The following BAG4 variants were observed in gnomAD, a reference collection of about 807,000 sequenced individuals.
BAG4 encodes the protein BAG family molecular chaperone regulator 4.
In BAG4, 28 loss-of-function variants were observed where a neutral mutation model predicts 52.1. That is an observed-to-expected ratio of 0.54 (90% CI 0.40 to 0.74). The LOEUF is 0.74. Among genes scored for constraint, BAG4 ranks in the 30% least tolerant of loss-of-function variants. The pLI is 0.00. For missense variants in BAG4, 525 were observed against 572.0 expected, an observed-to-expected ratio of 0.92 and a Z score of 0.84; for synonymous variants, 208 against 217.0, an observed-to-expected ratio of 0.96 and a Z score of 0.37.
At chr8:38,201,792 C>G (rs1287096378) in intron 2 of BAG4, 15 of 123,328 alleles carry the variant, frequency 1.2e-4, no homozygotes, top group African/African-American at 4.8e-4. Context: ...CTATAATAAG[C>G]CAAGAATATG....
intron 1 of BAG4, among the ~76,000 whole-genome samples, chr8:38,183,078 T>C (rs1223220209): frequency 6.7e-6 from 1 of 148,420 alleles, no homozygotes; most frequent in Non-Finnish European, 1.5e-5. Context: ...AGAGTCTCTC[T>C]TTGTCGCCCA....
At position 38,190,149 on chromosome 8, in the gene BAG4, T is replaced by C. The variant is rs148232794; in HGVS notation, c.271-2539T>C. Among the ~76,000 whole-genome samples the C allele has an allele frequency of 1.8e-4, 28 of 152,268 alleles. No individual in the cohort carries two copies. In the East Asian group the frequency reaches 5.2e-3, roughly 28 times the overall value. On this transcript the variant is annotated intron_variant, in intron 1 of 4. Coordinates refer to ENST00000287322, the MANE Select transcript of BAG4 (RefSeq NM_004874.4). ...ACCACATTCACTATCCCCCAGTTCT[T>C]CCTCATTTTGCCCCATTCCATATTT... is the stretch of plus-strand genomic sequence containing the variant.
intron 1 of BAG4, among the ~76,000 whole-genome samples, chr8:38,188,622 T>C (rs1483726356): frequency 6.7e-6 from 1 of 148,778 alleles, no homozygotes; most frequent in African/African-American, 2.5e-5. Flanking sequence ...TATATACATG[T>C]ACACATATAT....
At chr8:38,181,297 C>G (rs1247273527) in intron 1 of BAG4, among the ~76,000 whole-genome samples, 3 of 147,384 alleles carry the variant, frequency 2.0e-5, no homozygotes, top group Non-Finnish European at 4.5e-5. Flanking sequence ...CGCAATGGCG[C>G]CATCTTGGCT....
At chr8:38,202,607 C>T (rs1803699933) in intron 2 of BAG4, among the ~76,000 whole-genome samples, 1 of 148,190 alleles carries the variant, frequency 6.7e-6, no homozygotes, top group South Asian at 2.1e-4. Flanking sequence ...ATGGCATGAT[C>T]ACAGCTCACT....
rs1803822628 is a variant in BAG4, at chr8:38,208,998, T to C, written c.634-15T>C. 1.2e-6 allele frequency: 2 copies of C among 1,602,380 alleles called. No homozygotes were observed. The highest frequency in any genetic ancestry group is 1.7e-6 in the Non-Finnish European group (2 of 1,173,402). On this transcript the variant is annotated splice_polypyrimidine_tract_variant and intron_variant, in intron 3 of 4. Coordinates refer to ENST00000287322, the MANE Select transcript of BAG4 (RefSeq NM_004874.4). Reference sequence around the variant, plus strand: ...TTTTTCACAATGACTGGTATATTTCTTCTTCTCAATCTAGAACCCTGGAAT... The same window carrying C: ...TTTTTCACAATGACTGGTATATTTCCTCTTCTCAATCTAGAACCCTGGAAT...
At chr8:38,187,661 G>C (rs1408892928) in intron 1 of BAG4, among the ~76,000 whole-genome samples, 2 of 151,988 alleles carry the variant, frequency 1.3e-5, no homozygotes, top group Non-Finnish European at 2.9e-5. Flanking sequence ...ACTTATATAG[G>C]AATAGCATTC....
chr8:38,187,969 G>A (rs1484424542), intron 1 of BAG4, among the ~76,000 whole-genome samples: 30 of 148,982 alleles, frequency 2.0e-4, no homozygotes, highest in Admixed American at 3.4e-4. Flanking sequence ...CCCGGGAGGC[G>A]GAGCTTGCAG....
Position 38,188,634 on chromosome 8 carries a change from T to C in BAG4, c.271-4054T>C, listed in dbSNP as rs1378101744. The stretch of plus-strand genomic sequence containing the variant: ...ATATATATACATGTACACATATATA[T>C]ACATATATACATGTATACATATATA... On this transcript the variant is annotated intron_variant, in intron 1 of 4. Transcript: ENST00000287322. Among the ~76,000 whole-genome samples, 30 of 109,162 alleles carry C rather than the reference T, an allele frequency of 2.7e-4. No individual in the cohort carries two copies. In the Admixed American group the frequency reaches 3.0e-3, roughly 11 times the overall value. The allele number at this position is 109,162 out of a possible 152,430, so 71.6% of individuals were successfully genotyped here. A position where few individuals can be genotyped will look rare whatever the true frequency, so the allele number is the denominator to read the frequency against.
chr8:38,181,018 G>T (rs1391034512), intron 1 of BAG4, among the ~76,000 whole-genome samples: 1 of 148,450 alleles, frequency 6.7e-6, no homozygotes, highest in South Asian at 2.1e-4. Flanking sequence ...TCGGCTCACC[G>T]CAAGCTCCGC....
At chr8:38,191,497 G>A (rs1333642757) in intron 1 of BAG4, among the ~76,000 whole-genome samples, 2 of 152,140 alleles carry the variant, frequency 1.3e-5, no homozygotes, top group East Asian at 3.9e-4. Flanking sequence ...TGTGGCTCAC[G>A]CCTGTAATTC....
At chr8:38,194,682 G>C (rs1803533211) in intron 2 of BAG4, among the ~76,000 whole-genome samples, 1 of 151,600 alleles carries the variant, frequency 6.6e-6, no homozygotes, top group Non-Finnish European at 1.5e-5. Context: ...CCAAAGTGCT[G>C]GGATTACAGG....
intron 2 of BAG4, 107 bp downstream of exon 2, chr8:38,192,902 T>C (rs952776063): frequency 4.0e-6 from 3 of 743,244 alleles, no homozygotes; most frequent in Non-Finnish European, 6.3e-6. Flanking sequence ...TTTTTTTCTT[T>C]GCTTTAATGG....
intron 1 of BAG4, among the ~76,000 whole-genome samples, chr8:38,177,792 C>A (rs1455385783): frequency 1.3e-5 from 2 of 152,078 alleles, no homozygotes; most frequent in East Asian, 3.8e-4. Flanking sequence ...TACACTTGGA[C>A]CTGCAACATT....
At position 38,211,398 on chromosome 8, in the gene BAG4, T is replaced by G. The variant is rs1374279362; in HGVS notation, c.*905T>G. 1.3e-5 allele frequency: 2 copies of G among 151,206 alleles called. No individual in the cohort carries two copies. The highest frequency in any genetic ancestry group is 2.4e-5 in the African/African-American group (1 of 41,306). The allele number at this position is 151,206 out of a possible 1,614,324, so 9.4% of individuals were successfully genotyped here. The stretch of plus-strand genomic sequence containing the variant: ...TTTTTTTTTTTTCCCCAAAGTGTAG[T>G]TATGTTTTCACTATTGCTGCTTCTA... On this transcript the variant is annotated 3_prime_UTR_variant, in exon 5 of 5. Transcript: ENST00000287322.
intron 2 of BAG4, among the ~76,000 whole-genome samples, chr8:38,204,755 C>G: frequency 6.6e-6 from 1 of 151,920 alleles, no homozygotes; most frequent in Non-Finnish European, 1.5e-5. Context: ...AACATGAACC[C>G]ATCTATTGGT....
chr8:38,199,740 G>A (rs1803627144), intron 2 of BAG4, among the ~76,000 whole-genome samples: 1 of 151,916 alleles, frequency 6.6e-6, no homozygotes, highest in South Asian at 2.1e-4. Flanking sequence ...AGTCAGGATG[G>A]TCTTGACCTC....
At chr8:38,186,729 C>G (rs1803371564) in intron 1 of BAG4, among the ~76,000 whole-genome samples, 1 of 152,124 alleles carries the variant, frequency 6.6e-6, no homozygotes, top group South Asian at 2.1e-4. Context: ...TTATTAAAAC[C>G]AGTAGAGCAA....
At chr8:38,190,833 C>G (rs1803461649) in intron 1 of BAG4, among the ~76,000 whole-genome samples, 1 of 151,348 alleles carries the variant, frequency 6.6e-6, no homozygotes, top group East Asian at 1.9e-4. Flanking sequence ...TCTCTGCTCA[C>G]TGCAACTTCT....
Sources: allele counts gnomAD v4.1 joint callset (sites outside exome capture counted in the v4.1 genomes callset), GRCh38; gene constraint gnomAD v4.1.1; transcripts MANE v1.5; gene names NCBI Gene and HGNC (gene_info 2026-07-23, HGNC 2026-07-21).